ALDH2: variants seen among roughly 807,000 people sequenced by gnomAD.
The protein encoded by ALDH2 is aldehyde dehydrogenase 2 family member.
ALDH2 carries 44 observed loss-of-function variants against 59.6 expected under a neutral mutation model. That is an observed-to-expected ratio of 0.74 (90% confidence interval 0.58 to 0.95). The LOEUF is 0.95. ALDH2 is among the 40% of genes least tolerant of loss of function. ALDH2 has a pLI of 0.00. For synonymous variants in ALDH2, 291 were observed against 284.0 expected, an observed-to-expected ratio of 1.02 and a Z score of -0.25; for missense variants, 570 against 696.3, an observed-to-expected ratio of 0.82 and a Z score of 2.04.
At position 111,791,940 on chromosome 12, in the gene ALDH2, C is replaced by T; in HGVS notation, c.796-121C>T. The T allele has an allele frequency of 4.3e-6, 3 of 700,016 alleles. No homozygotes were observed. The Middle Eastern group carries it at 7.5e-4, about 174-fold the overall frequency. 43.4% of individuals were successfully genotyped at this position (700,016 alleles called of 1,614,324 possible). On this transcript the variant is annotated intron_variant, in intron 7 of 12. Transcript: ENST00000261733. ...GTGAACGTCTATTTGGTGAAATTCT[C>T]TAGGTCTCTCGTGGTCCAGTTGCTC...
intron 1 of ALDH2, among the ~76,000 whole-genome samples, chr12:111,775,154 T>G (rs2068225871): frequency 6.6e-6 from 1 of 152,116 alleles, no homozygotes. Context: ...AAACAGCAAG[T>G]CTATTACCCC....
At position 111,788,240 on chromosome 12, in the gene ALDH2, C is replaced by T. The variant is rs539313357; in HGVS notation, c.441-1583C>T. Among the ~76,000 whole-genome samples the T allele has an allele frequency of 9.2e-5, 14 of 152,118 alleles. No individual in the cohort carries two copies. In the East Asian group the frequency reaches 2.5e-3, roughly 27 times the overall value. ...AAAAGAAAAAAAAAAAGAAAACAGTCGGTATCCTTCACAACAGGTGCACAC... is the reference window on the plus strand; with the variant it reads ...AAAAGAAAAAAAAAAAGAAAACAGTTGGTATCCTTCACAACAGGTGCACAC... On this transcript the variant is annotated intron_variant, in intron 4 of 12. Transcript: ENST00000261733.
Position 111,792,686 on chromosome 12 carries a change from G to C in ALDH2, c.987G>C (p.Glu329Asp). ...CCGGCTCCCGGACCTTCGTGCAGGAGGACATCTATGATGAGTTTGTGGAGC... is the reference window on the plus strand; with the variant it reads ...CCGGCTCCCGGACCTTCGTGCAGGACGACATCTATGATGAGTTTGTGGAGC... ...CCAGSRTFVQ[E>D]DIYDEFVERS... Residue 329 changes from glutamate (E) to aspartate (D), a missense_variant, in exon 9 of 13, where the codon GAG becomes GAC. Physicochemically the swap from Glu to Asp is conservative, Grantham distance 45. Transcript: ENST00000261733. 6.2e-7 allele frequency: 1 copy of C among 1,607,744 alleles called. No individual in the cohort carries two copies. The highest frequency in any genetic ancestry group is 8.5e-7 in the Non-Finnish European group (1 of 1,177,422).
intron 4 of ALDH2, among the ~76,000 whole-genome samples, chr12:111,789,017 CTTTTTTTT>C (rs1224537015): frequency 4.0e-5 from 5 of 125,170 alleles, no homozygotes; most frequent in Non-Finnish European, 8.6e-5. Context: ...TCTTTCTTTT[CTTTTTTTT>C]TTTTTTTTTT....
chr12:111,793,004 T>G (rs1023485214), intron 9 of ALDH2, among the ~76,000 whole-genome samples: 1 of 152,114 alleles, frequency 6.6e-6, no homozygotes, highest in Non-Finnish European at 1.5e-5. Flanking sequence ...AAATTAATCC[T>G]GGGAAGCACT....
chr12:111,785,655 T>A (rs796704882), intron 4 of ALDH2, among the ~76,000 whole-genome samples: 19 of 152,190 alleles, frequency 1.2e-4, no homozygotes, highest in African/African-American at 4.6e-4. Context: ...TCCCTGGAAG[T>A]GGAGGTCACA....
rs1276431143 is a variant in ALDH2 at position 111,815,640 on chromosome 12, T to C, written c.*6065T>C. 2.0e-5 allele frequency: 3 copies of C among 152,066 alleles called. No individual in the cohort carries two copies. Among genetic ancestry groups the C allele is most frequent in the African/African-American group, 7.2e-5 (3 of 41,380 alleles). 9.4% of individuals were successfully genotyped at this position (152,066 alleles called of 1,614,324 possible). On this transcript the variant is annotated 3_prime_UTR_variant, in exon 13 of 13. Transcript: ENST00000261733. ...TAATAAAAATAATAACCTGAGAGTCTAATGGCTTATTTTTTGTAGAGATGG... is the reference window on the plus strand; with the variant it reads ...TAATAAAAATAATAACCTGAGAGTCCAATGGCTTATTTTTTGTAGAGATGG...
chr12:111,792,756 G>T lies in ALDH2; in HGVS notation c.1057G>T (p.Asp353Tyr). 6.4e-7 allele frequency: 1 copy of T among 1,556,992 alleles called. No individual in the cohort carries two copies. The change falls in exon 9 of 13, where the codon GAT (aspartate) becomes TAT (tyrosine). Residue 353 changes from aspartate (D) to tyrosine (Y), a missense_variant. Transcript: ENST00000261733. Reference protein sequence around the residue: ...AKSRVVGNPFDSKTEQGPQVD... With the variant: ...AKSRVVGNPFYSKTEQGPQVD... The stretch of plus-strand genomic sequence containing the variant: ...GTCTCGGGTGGTCGGGAACCCCTTT[G>T]ATAGCAAGACCGAGCAGGGGCCGCA...
chr12:111,789,785 A>G (rs1299672962), intron 4 of ALDH2, 38 bp from the exon 5 acceptor site: 1 of 1,565,898 alleles, frequency 6.4e-7, no homozygotes, highest in East Asian at 2.2e-5. Context: ...GGTCCCTGAC[A>G]ATCATTGATT....
intron 1 of ALDH2, 79 bp downstream of exon 1, chr12:111,767,175 G>A (rs2068165542): frequency 1.7e-6 from 2 of 1,156,884 alleles, no homozygotes; most frequent in Non-Finnish European, 2.3e-6. Flanking sequence ...CCGCGCCGCC[G>A]TGGGCCTTAG....
chr12:111,783,327 A>C, intron 3 of ALDH2, 29 bp downstream of exon 3: 1 of 1,581,590 alleles, frequency 6.3e-7, no homozygotes. Context: ...TCCCCCTCAG[A>C]TCCCATGTGG....
In ALDH2 at chr12:111,772,388, G is replaced by A. The variant is rs373312771; in HGVS notation, c.114+5292G>A. On this transcript the variant is annotated intron_variant, in intron 1 of 12. Transcript: ENST00000261733. ...TTGTTTTTGTTTTTGTTTTTGAGAT[G>A]TAGTCTCACTCTGTCGCCCGGGCTG... is the stretch of plus-strand genomic sequence containing the variant. 2.4e-4 allele frequency among the ~76,000 whole-genome samples: 36 copies of A among 152,150 alleles called. 1 individual carries two copies. In the East Asian group the frequency reaches 2.7e-3, roughly 12 times the overall value.
intron 12 of ALDH2, among the ~76,000 whole-genome samples, chr12:111,805,861 A>G (rs994977857): frequency 6.6e-6 from 1 of 151,804 alleles, no homozygotes. Flanking sequence ...TGTCTCTACT[A>G]AAAATACAAA....
At chr12:111,791,888 C>T (rs796080408) in intron 7 of ALDH2, among the ~76,000 whole-genome samples, 173 bp from the exon 8 acceptor site, 9 of 151,978 alleles carry the variant, frequency 5.9e-5, no homozygotes, top group African/African-American at 1.2e-4. Flanking sequence ...GGTGACAGAG[C>T]GAGACCCTGT....
Position 111,789,519 on chromosome 12 carries a change from GAAAA to G in ALDH2, c.441-295_441-292del, listed in dbSNP as rs377190726. On this transcript the variant is annotated intron_variant, in intron 4 of 12. Coordinates refer to ENST00000261733, the MANE Select transcript of ALDH2 (RefSeq NM_000690.4). ...AAAAAAAAAAAGAAAAGAAAAGAAA[GAAAA>G]AAAAAAAATCTAATTCCTGGGCATG... Among the ~76,000 whole-genome samples the G allele has an allele frequency of 5.5e-3, 786 of 143,842 alleles. 7 individuals carry two copies. The highest frequency in any genetic ancestry group is 0.019 in the African/African-American group (745 of 39,530). 94.4% of individuals were successfully genotyped at this position (143,842 alleles called of 152,430 possible). A position where few individuals can be genotyped will look rare whatever the true frequency, so the allele number is the denominator to read the frequency against.
intron 12 of ALDH2, among the ~76,000 whole-genome samples, chr12:111,807,946 G>C (rs1434136039): frequency 6.7e-6 from 1 of 149,536 alleles, no homozygotes; most frequent in East Asian, 2.0e-4. Flanking sequence ...CTGTGATCTT[G>C]GCTCACTGCA....
At position 111,817,101 on chromosome 12, in the gene ALDH2, A is replaced by C. The variant is rs1161496770; in HGVS notation, c.*7526A>C. 6.6e-6 allele frequency: 1 copy of C among 152,180 alleles called. No individual in the cohort carries two copies. Among genetic ancestry groups the C allele is most frequent in the African/African-American group, 2.4e-5 (1 of 41,446 alleles). The allele number at this position is 152,180 out of a possible 1,614,324, so 9.4% of individuals were successfully genotyped here. ...CACTTCAGTTTGTAACTCAGTGTTA[A>C]TTTTATTCTGAAGTGGCCATGCTTG... On this transcript the variant is annotated 3_prime_UTR_variant, in exon 13 of 13. Coordinates refer to ENST00000261733, the MANE Select transcript of ALDH2 (RefSeq NM_000690.4).
intron 1 of ALDH2, among the ~76,000 whole-genome samples, chr12:111,768,172 T>G (rs754402425): frequency 5.3e-5 from 8 of 152,204 alleles, no homozygotes; most frequent in Non-Finnish European, 1.2e-4. Context: ...TAGTTGGGGT[T>G]CACAGCTGAA....
chr12:111,800,196 G>T, intron 11 of ALDH2, 133 bp downstream of exon 11: 3 of 1,108,190 alleles, frequency 2.7e-6, no homozygotes, highest in Non-Finnish European at 2.5e-6. Context: ...GTGTGATGTC[G>T]ATTTGAGAGG....
Sources: allele counts gnomAD v4.1 joint callset (sites outside exome capture counted in the v4.1 genomes callset), GRCh38; gene constraint gnomAD v4.1.1; transcripts MANE v1.5; gene names NCBI Gene and HGNC (gene_info 2026-07-23, HGNC 2026-07-21).